MILR1: variants seen among roughly 807,000 people sequenced by gnomAD.
The protein encoded by MILR1 is allergin-1.
A neutral mutation model predicts 18.5 loss-of-function variants in MILR1; 31 were observed. The observed-to-expected ratio is 1.68, with a 90% confidence interval of 1.26 to 2.26. The LOEUF is 2.26. Among genes scored for constraint, MILR1 ranks in the 30% most tolerant of loss-of-function variants. The pLI is 0.00. For missense variants in MILR1, 257 were observed against 157.4 expected (o/e 1.63, Z -3.38); for synonymous variants, 85 against 56.2 (o/e 1.51, Z -2.30).
At chr17:64,487,051 TTAAA>T in the MILR1 span, 18 of 152,254 alleles carry the variant, frequency 1.2e-4, no homozygotes, top group Middle Eastern at 3.4e-3. Context: ...TTAAAAATAC[TTAAA>T]TAACCACCTT....
the MILR1 span, chr17:64,480,349 ATCCCATTTTCTAGTAAC>A: frequency 6.2e-7 from 1 of 1,600,364 alleles, no homozygotes; most frequent in Non-Finnish European, 8.6e-7. Context: ...CCACACAGAA[ATCCCATTTTCTAGTAAC>A]TCATTAAATA....
the MILR1 span, chr17:64,496,548 C>G: frequency 6.2e-7 from 1 of 1,613,924 alleles, no homozygotes; most frequent in Non-Finnish European, 8.5e-7. Flanking sequence ...GCACTGTCCC[C>G]GGGTAGCAAA....
downstream of MILR1, among the ~76,000 whole-genome samples, chr17:64,469,555 G>C (rs971058247): frequency 1.3e-5 from 2 of 152,180 alleles, no homozygotes; most frequent in African/African-American, 2.4e-5. Flanking sequence ...GTGCCACCAT[G>C]CCCGGCTAAT....
At chr17:64,466,964 C>T (rs549839995) in intron 8 of MILR1, among the ~76,000 whole-genome samples, 10 of 151,542 alleles carry the variant, frequency 6.6e-5, no homozygotes, top group African/African-American at 2.4e-4. Flanking sequence ...TCCCTCCCTC[C>T]CTCTCTCTCT....
the MILR1 span, chr17:64,491,580 C>A: frequency 6.4e-7 from 1 of 1,550,996 alleles, no homozygotes; most frequent in Non-Finnish European, 8.9e-7. Flanking sequence ...ACTAGGGGAG[C>A]TGCCAAGCTG....
intron 2 of MILR1, among the ~76,000 whole-genome samples, chr17:64,452,305 G>A (rs919743812): frequency 5.9e-5 from 9 of 152,076 alleles, no homozygotes; most frequent in Middle Eastern, 3.4e-3. Flanking sequence ...CCAGCCTGGA[G>A]TGCAGTGGCA....
At chr17:64,465,781 C>T (rs2037542462) in intron 6 of MILR1, among the ~76,000 whole-genome samples, 1 of 152,100 alleles carries the variant, frequency 6.6e-6, no homozygotes, top group Admixed American at 6.6e-5. Flanking sequence ...TGACTTTCTA[C>T]ACCATGATTT....
chr17:64,462,512 G>A (rs898890810), intron 5 of MILR1, among the ~76,000 whole-genome samples: 68 of 152,188 alleles, frequency 4.5e-4, no homozygotes, highest in African/African-American at 1.6e-3. Context: ...ACAAACAAGC[G>A]TCATCCCATT....
chr17:64,450,663 TG>T (rs2143994599), intron 2 of MILR1, among the ~76,000 whole-genome samples: 1 of 151,954 alleles, frequency 6.6e-6, no homozygotes, highest in African/African-American at 2.4e-5. Flanking sequence ...TATTGTTTTT[TG>T]GTAGAGACGG....
intron 2 of MILR1, among the ~76,000 whole-genome samples, chr17:64,452,053 C>T (rs1037203581): frequency 1.2e-4 from 18 of 150,874 alleles, no homozygotes; most frequent in Non-Finnish European, 2.4e-4. Context: ...ATCTGTCTTC[C>T]ACCCAAGCCA....
At chr17:64,488,336 A>G in the MILR1 span, among the ~76,000 whole-genome samples, 7 of 152,252 alleles carry the variant, frequency 4.6e-5, no homozygotes, top group African/African-American at 1.7e-4. Flanking sequence ...GGAAACAGAA[A>G]AGGAACAATG....
chr17:64,473,794 T>G, the MILR1 span, among the ~76,000 whole-genome samples: 1 of 152,166 alleles, frequency 6.6e-6, no homozygotes, highest in East Asian at 1.9e-4. Flanking sequence ...AGGTGTGCAG[T>G]TCTCTGATAA....
intron 6 of MILR1, among the ~76,000 whole-genome samples, 198 bp from the exon 7 acceptor site, chr17:64,466,244 C>T (rs1555663157): frequency 6.6e-6 from 1 of 152,212 alleles, no homozygotes; most frequent in East Asian, 1.9e-4. Context: ...CCTGGTCCCT[C>T]CCATGAGATG....
the MILR1 span, among the ~76,000 whole-genome samples, chr17:64,495,776 T>A: frequency 6.6e-6 from 1 of 152,030 alleles, no homozygotes; most frequent in African/African-American, 2.4e-5. Flanking sequence ...TGGCGTGATC[T>A]CGGCTCACTG....
chr17:64,467,495 A>T, intron 8 of MILR1, 70 bp from the exon 9 acceptor site: 1 of 938,458 alleles, frequency 1.1e-6, no homozygotes, highest in African/African-American at 1.7e-5. Flanking sequence ...AGCTACTAGA[A>T]ATAGGATTTT....
chr17:64,457,737 G>A (rs1429695715), intron 4 of MILR1, 53 bp downstream of exon 4: 1 of 467,156 alleles, frequency 2.1e-6, no homozygotes, highest in Admixed American at 3.2e-5. Context: ...TCCAGAAACT[G>A]CAGCTGCTCC....
intron 5 of MILR1, 107 bp from the exon 6 acceptor site, chr17:64,465,345 G>A: frequency 1.3e-6 from 1 of 787,454 alleles, no homozygotes; most frequent in South Asian, 1.6e-5. Context: ...ATTGGAGCAA[G>A]TCACTCTCTG....
chr17:64,451,897 G>A (rs1407265488), intron 2 of MILR1, among the ~76,000 whole-genome samples: 13 of 151,004 alleles, frequency 8.6e-5, no homozygotes, highest in Admixed American at 2.0e-4. Flanking sequence ...GTGCCACTGC[G>A]CTCCAGCCTG....
chr17:64,457,041 C>G (rs1409309684), intron 3 of MILR1, among the ~76,000 whole-genome samples: 1 of 152,060 alleles, frequency 6.6e-6, no homozygotes, highest in Non-Finnish European at 1.5e-5. Flanking sequence ...AAGCACTTCT[C>G]AGCTTCATAC....
Sources: gnomAD v4.1 joint callset for allele counts (sites outside exome capture counted in the v4.1 genomes callset) on GRCh38, gnomAD v4.1.1 for gene constraint, MANE v1.5 for transcripts, NCBI Gene and HGNC (gene_info 2026-07-23, HGNC 2026-07-21) for gene names.